CTNND2: variants seen among roughly 807,000 people sequenced by gnomAD.
CTNND2 encodes the protein catenin delta-2.
In CTNND2, 22 loss-of-function variants were observed where a neutral mutation model predicts 144.4. That is an observed-to-expected ratio of 0.15 (90% CI 0.11 to 0.22). The LOEUF (loss-of-function observed/expected upper bound fraction) is 0.22, where lower values mean the gene tolerates loss of function less well. CTNND2 is among the 10% of genes least tolerant of loss of function. The pLI, the probability that CTNND2 is intolerant of heterozygous loss-of-function variation, is 1.00. For synonymous variants in CTNND2, 751 were observed against 695.6 expected, an observed-to-expected ratio of 1.08 and a Z score of -1.25; for missense variants, 1,353 against 1,618.8, an observed-to-expected ratio of 0.84 and a Z score of 2.82.
intron 2 of CTNND2, among the ~76,000 whole-genome samples, chr5:11,636,396 A>T (rs1448265953): frequency 6.6e-6 from 1 of 152,322 alleles, no homozygotes; most frequent in Non-Finnish European, 1.5e-5. Flanking sequence ...GCGCTTTGTT[A>T]TACCTATCCA....
intron 1 of CTNND2, among the ~76,000 whole-genome samples, chr5:11,738,753 T>A (rs1402783020): frequency 2.0e-5 from 3 of 152,202 alleles, no homozygotes; most frequent in African/African-American, 7.2e-5. Flanking sequence ...CATTCTTGTG[T>A]CACTCTTACT....
intron 10 of CTNND2, among the ~76,000 whole-genome samples, chr5:11,207,381 AT>A (rs201335096): frequency 1.3e-5 from 2 of 150,434 alleles, no homozygotes; most frequent in African/African-American, 4.9e-5. Context: ...AACTTCAAGT[AT>A]TTAAAAAAAA....
At chr5:11,575,207 C>T (rs1268356191) in intron 2 of CTNND2, among the ~76,000 whole-genome samples, 1 of 152,158 alleles carries the variant, frequency 6.6e-6, no homozygotes, top group Non-Finnish European at 1.5e-5. Context: ...AGGCACCATG[C>T]TTTTGCATTA....
At chr5:11,010,374 C>G (rs1039346731) in intron 18 of CTNND2, among the ~76,000 whole-genome samples, 3 of 152,180 alleles carry the variant, frequency 2.0e-5, no homozygotes, top group Admixed American at 6.5e-5. Flanking sequence ...TATTCCTCAC[C>G]CTTCATACTG....
intron 3 of CTNND2, among the ~76,000 whole-genome samples, chr5:11,543,431 T>A (rs17219515): frequency 0.39 from 58,941 of 151,962 alleles, 12,671 homozygotes; most frequent in Middle Eastern, 0.57. Flanking sequence ...CTTGTATAGT[T>A]TATGTTTATG....
chr5:11,126,242 G>A (rs1450745274), intron 12 of CTNND2, among the ~76,000 whole-genome samples: 11 of 152,018 alleles, frequency 7.2e-5, no homozygotes, highest in African/African-American at 1.2e-4. Context: ...CGGAGGTTGC[G>A]GTGAGCTGAG....
intron 2 of CTNND2, among the ~76,000 whole-genome samples, chr5:11,674,527 T>C (rs1784067324): frequency 6.6e-6 from 1 of 152,182 alleles, no homozygotes; most frequent in Non-Finnish European, 1.5e-5. Flanking sequence ...CACAACATAA[T>C]CACCAAAGTT....
intron 2 of CTNND2, among the ~76,000 whole-genome samples, chr5:11,649,350 C>T (rs1158810594): frequency 2.6e-5 from 4 of 152,146 alleles, no homozygotes; most frequent in African/African-American, 9.7e-5. Flanking sequence ...CAGAGTCTCG[C>T]TCTGTCACCC....
At chr5:10,984,772 C>T (rs1171190198) in intron 20 of CTNND2, among the ~76,000 whole-genome samples, 1 of 152,146 alleles carries the variant, frequency 6.6e-6, no homozygotes, top group African/African-American at 2.4e-5. Context: ...AAGACTAGAA[C>T]GACTTTCAAA....
chr5:11,510,336 A>G (rs1321194789), intron 3 of CTNND2, among the ~76,000 whole-genome samples: 1 of 152,150 alleles, frequency 6.6e-6, no homozygotes, highest in Non-Finnish European at 1.5e-5. Flanking sequence ...ATCACTTAAA[A>G]TCTTGTTAAA....
At chr5:11,482,658 T>C (rs981892815) in intron 3 of CTNND2, among the ~76,000 whole-genome samples, 1 of 151,996 alleles carries the variant, frequency 6.6e-6, no homozygotes, top group Non-Finnish European at 1.5e-5. Flanking sequence ...AGGAGGGGGA[T>C]GTGGTTTTAA....
intron 9 of CTNND2, among the ~76,000 whole-genome samples, chr5:11,288,497 G>A (rs961126744): frequency 5.9e-5 from 9 of 152,078 alleles, no homozygotes; most frequent in Non-Finnish European, 1.2e-4. Flanking sequence ...AGGCTGTCAG[G>A]TATCAGACAC....
In CTNND2 at chr5:11,880,591, C is replaced by T. The variant is rs1735984866; in HGVS notation, c.37+23226G>A. On this transcript the variant is annotated intron_variant, in intron 1 of 21. Transcript: ENST00000304623. ...AGTACTACTACTACTACCACTACTC[C>T]TACTATCAGCACTACTACTACCACT... 1.5e-5 allele frequency among the ~76,000 whole-genome samples: 2 copies of T among 135,706 alleles called. 1 individual carries two copies. The highest frequency in any genetic ancestry group is 4.7e-4 in the South Asian group (2 of 4,296). The allele number at this position is 135,706 out of a possible 152,430, so 89.0% of individuals were successfully genotyped here.
At chr5:11,511,048 G>A (rs1036656963) in intron 3 of CTNND2, among the ~76,000 whole-genome samples, 4 of 152,100 alleles carry the variant, frequency 2.6e-5, no homozygotes, top group Non-Finnish European at 5.9e-5. Context: ...TCCATAATGC[G>A]TACTATGTCC....
rs78981507 is a variant in CTNND2, at chr5:11,720,190, C to A, written c.174+11946G>T. ...CTTCCCTAAATTTGTCATTTGCTGG[C>A]ATCTTTGAGACCATTTTTTCCATTA... On this transcript the variant is annotated intron_variant, in intron 2 of 21. Coordinates refer to ENST00000304623, the MANE Select transcript of CTNND2 (RefSeq NM_001332.4). Among the ~76,000 whole-genome samples the A allele has an allele frequency of 5.7e-3, 871 of 152,146 alleles. 9 individuals are homozygous for A. The highest frequency in any genetic ancestry group is 0.02 in the African/African-American group (831 of 41,506).
At chr5:11,127,056 A>G (rs1459362340) in intron 12 of CTNND2, among the ~76,000 whole-genome samples, 1 of 152,258 alleles carries the variant, frequency 6.6e-6, no homozygotes. Context: ...TGGGGTCTGC[A>G]GGCTCCAACC....
At position 11,903,931 on chromosome 5, in the gene CTNND2, A is replaced by C. The variant is rs1280858784; in HGVS notation, c.-78T>G. On this transcript the variant is annotated 5_prime_UTR_variant, in exon 1 of 22. Coordinates refer to ENST00000304623, the MANE Select transcript of CTNND2 (RefSeq NM_001332.4). This position sits in a 1 kb window ranked among gnomAD's most constrained non-coding sequence, Gnocchi z 5.4. ...CGCCCGGCTTCAGGGCAAGGTCCTG[A>C]CCTTGCCCAACTGCAGCATCTTCCG... The C allele has an allele frequency of 4.5e-6, 6 of 1,331,440 alleles. No homozygotes were observed. In the African/African-American group the frequency reaches 4.7e-5, roughly 10 times the overall value. 82.5% of individuals were successfully genotyped at this position (1,331,440 alleles called of 1,614,324 possible). A position where few individuals can be genotyped will look rare whatever the true frequency, so the allele number is the denominator to read the frequency against.
chr5:11,103,450 C>T (rs1376197707), intron 14 of CTNND2, among the ~76,000 whole-genome samples: 2 of 151,846 alleles, frequency 1.3e-5, no homozygotes, highest in African/African-American at 4.8e-5. Flanking sequence ...GCAGGCAGAT[C>T]GCTTGAGGTC....
At chr5:11,134,384 T>G (rs1755920379) in intron 12 of CTNND2, among the ~76,000 whole-genome samples, 1 of 152,186 alleles carries the variant, frequency 6.6e-6, no homozygotes, top group South Asian at 2.1e-4. Context: ...GATTTCAGAC[T>G]CGAGAGGCTC....
Sources: gnomAD v4.1 joint callset for allele counts (sites outside exome capture counted in the v4.1 genomes callset) on GRCh38, gnomAD v4.1.1 for gene constraint, Gnocchi (gnomAD v3.1) non-coding constraint, MANE v1.5 for transcripts, NCBI Gene and HGNC (gene_info 2026-07-23, HGNC 2026-07-21) for gene names.